NGF: variants seen among roughly 807,000 people sequenced by gnomAD.
The protein encoded by NGF is nerve growth factor.
NGF carries 4 observed loss-of-function variants against 12.8 expected under a neutral mutation model. The ratio of observed to expected loss-of-function variants is 0.31; its 90% CI spans 0.15 to 0.72. The LOEUF (loss-of-function observed/expected upper bound fraction) is 0.72. Among genes scored for constraint, NGF ranks in the 30% least tolerant of loss-of-function variants. The pLI is 0.69. For missense variants in NGF, 283 were observed against 330.8 expected, an observed-to-expected ratio of 0.86 and a Z score of 1.12; for synonymous variants, 140 against 130.0, an observed-to-expected ratio of 1.08 and a Z score of -0.52.
intron 1 of NGF, among the ~76,000 whole-genome samples, chr1:115,305,965 A>C (rs1654191604): frequency 1.3e-5 from 2 of 152,138 alleles, no homozygotes; most frequent in African/African-American, 4.8e-5. Context: ...GATGGAGCCA[A>C]ATGGAAACTG....
At chr1:115,310,740 C>T (rs1157467352) in intron 1 of NGF, among the ~76,000 whole-genome samples, 3 of 152,060 alleles carry the variant, frequency 2.0e-5, no homozygotes, top group East Asian at 1.9e-4. Flanking sequence ...TTCTCCAAAG[C>T]TCACATAAGG....
At chr1:115,337,256 GTT>G (rs1364127314) in intron 1 of NGF, among the ~76,000 whole-genome samples, 1 of 27,200 alleles carries the variant, frequency 3.7e-5, no homozygotes, top group African/African-American at 1.7e-4. Context: ...AATTTTTTTT[GTT>G]TTGTTTTTGT....
chr1:115,335,649 CT>C (rs35221274), intron 1 of NGF, among the ~76,000 whole-genome samples: 99,658 of 152,198 alleles, frequency 0.65, 35,200 homozygotes, highest in African/African-American at 0.9. Context: ...GCAAAGGTCT[CT>C]TAAGGCTTGC....
chr1:115,302,580 A>G (rs1001442247), intron 1 of NGF, among the ~76,000 whole-genome samples: 1 of 152,254 alleles, frequency 6.6e-6, no homozygotes, highest in Non-Finnish European at 1.5e-5. Context: ...AATGGAAACC[A>G]TTTGTTAGCA....
At chr1:115,303,160 C>T (rs1483630774) in intron 1 of NGF, among the ~76,000 whole-genome samples, 1 of 152,112 alleles carries the variant, frequency 6.6e-6, no homozygotes, top group African/African-American at 2.4e-5. Context: ...GTATGTTTTG[C>T]CTGCACTGTC....
rs1472195465 is a variant in NGF at position 115,297,214 on chromosome 1, C to T, written c.-136-3464G>A. Among the ~76,000 whole-genome samples the T allele has an allele frequency of 3.9e-5, 6 of 152,184 alleles. 1 individual carries two copies. In the East Asian group the frequency reaches 1.2e-3, roughly 29 times the overall value. On this transcript the variant is annotated intron_variant, in intron 1 of 2. Coordinates refer to ENST00000369512, the MANE Select transcript of NGF (RefSeq NM_002506.3). Reference sequence around the variant, plus strand: ...TGAAACACAACAATCTGCGGTTTAACCAGCTCTGCAGGTGATTCTGATAGT... The same window carrying T: ...TGAAACACAACAATCTGCGGTTTAATCAGCTCTGCAGGTGATTCTGATAGT...
At chr1:115,312,490 G>C (rs1654360953) in intron 1 of NGF, among the ~76,000 whole-genome samples, 1 of 152,158 alleles carries the variant, frequency 6.6e-6, no homozygotes, top group Admixed American at 6.6e-5. Flanking sequence ...TGAACAACTT[G>C]GGATATAAAT....
chr1:115,290,079 G>A (rs2101022666), intron 2 of NGF, among the ~76,000 whole-genome samples: 1 of 152,194 alleles, frequency 6.6e-6, no homozygotes, highest in African/African-American at 2.4e-5. Flanking sequence ...AGGAGCTGGT[G>A]CCAAGTCCCT....
chr1:115,328,929 G>A (rs1030406318), intron 1 of NGF, among the ~76,000 whole-genome samples: 13 of 152,196 alleles, frequency 8.5e-5, no homozygotes, highest in Non-Finnish European at 1.5e-4. Flanking sequence ...GACAGGATAC[G>A]ATTATTGTTG....
chr1:115,287,524 C>G (rs1293332436), intron 2 of NGF, among the ~76,000 whole-genome samples: 1 of 152,152 alleles, frequency 6.6e-6, no homozygotes, highest in Admixed American at 6.5e-5. Flanking sequence ...AATGTGTTCA[C>G]TTCTATCTTC....
At chr1:115,327,459 A>C (rs781215063) in intron 1 of NGF, among the ~76,000 whole-genome samples, 4 of 152,230 alleles carry the variant, frequency 2.6e-5, no homozygotes, top group Non-Finnish European at 1.5e-5. Context: ...CAAGCTTTGG[A>C]GTCTGACCTC....
chr1:115,311,932 G>T (rs1654345122), intron 1 of NGF, among the ~76,000 whole-genome samples: 1 of 152,174 alleles, frequency 6.6e-6, no homozygotes, highest in Non-Finnish European at 1.5e-5. Flanking sequence ...ACCAATTGTG[G>T]CTAACCCTAA....
At chr1:115,333,800 T>C (rs1214017841) in intron 1 of NGF, among the ~76,000 whole-genome samples, 2 of 109,952 alleles carry the variant, frequency 1.8e-5, no homozygotes, top group Non-Finnish European at 3.3e-5. Context: ...TTTTCTTTCT[T>C]TCTTTCTCTT....
intron 1 of NGF, among the ~76,000 whole-genome samples, chr1:115,298,080 A>G (rs1313324409): frequency 6.6e-6 from 1 of 152,332 alleles, no homozygotes; most frequent in East Asian, 1.9e-4. Flanking sequence ...AAGCCACAAG[A>G]AGGTCTGAAA....
At chr1:115,315,721 T>C (rs1192419417) in intron 1 of NGF, among the ~76,000 whole-genome samples, 1 of 152,170 alleles carries the variant, frequency 6.6e-6, no homozygotes, top group Admixed American at 6.5e-5. Context: ...GGGCTATAAA[T>C]GTACATTTGG....
intron 1 of NGF, among the ~76,000 whole-genome samples, chr1:115,332,346 A>T (rs1184262787): frequency 6.6e-6 from 1 of 152,264 alleles, no homozygotes; most frequent in Non-Finnish European, 1.5e-5. Flanking sequence ...ATGTTTGGTT[A>T]AAATTCTATC....
chr1:115,288,622 AT>A (rs1553234997), intron 2 of NGF, among the ~76,000 whole-genome samples: 1 of 152,082 alleles, frequency 6.6e-6, no homozygotes, highest in Non-Finnish European at 1.5e-5. Flanking sequence ...CATCCCTTGT[AT>A]TCCACAGCAG....
At chr1:115,318,834 T>G (rs995523729) in intron 1 of NGF, among the ~76,000 whole-genome samples, 1 of 152,156 alleles carries the variant, frequency 6.6e-6, no homozygotes, top group Non-Finnish European at 1.5e-5. Flanking sequence ...ACAATCAGAA[T>G]GAATTCAAGA....
rs1171477494 is a variant in NGF, at chr1:115,304,131, T to C, written c.-136-10381A>G. Among the ~76,000 whole-genome samples the C allele has an allele frequency of 2.0e-5, 3 of 151,988 alleles. No homozygotes were observed. In the East Asian group the frequency reaches 5.8e-4, roughly 29 times the overall value. ...CTCAAAAGAGCAATACCTGTAATGG[T>C]CACAAGAACATTTATATATAGATAG... On this transcript the variant is annotated intron_variant, in intron 1 of 2. Transcript: ENST00000369512.
Sources: allele counts gnomAD v4.1 joint callset (sites outside exome capture counted in the v4.1 genomes callset), GRCh38; gene constraint gnomAD v4.1.1; transcripts MANE v1.5; gene names NCBI Gene and HGNC (gene_info 2026-07-23, HGNC 2026-07-21).